The following BAIAP3 variants were observed in gnomAD, a reference collection of about 807,000 sequenced individuals.
BAIAP3 encodes BAI1 associated protein 3, also known as BAI1-associated protein 3.
In BAIAP3, 180 loss-of-function variants were observed where a neutral mutation model predicts 149.7. The ratio of observed to expected loss-of-function variants is 1.20; its 90% CI spans 1.07 to 1.36. The LOEUF (loss-of-function observed/expected upper bound fraction) is 1.36, where lower values mean the gene tolerates loss of function less well. BAIAP3 is among the 40% of genes most tolerant of loss of function. The pLI is 0.00. For missense variants in BAIAP3, 1,767 were observed against 1,563.4 expected (o/e 1.13, Z -2.20); for synonymous variants, 845 against 670.7 (o/e 1.26, Z -4.02).
In BAIAP3 at chr16:1,347,461, T is replaced by C. The variant is rs572578927; in HGVS notation, c.2824-84T>C. ...ACGGGCTGTGTCCTTGAGCATGAGGTGGCCCCACGGGCAGTCAGGTCTCCA... is the reference window on the plus strand; with the variant it reads ...ACGGGCTGTGTCCTTGAGCATGAGGCGGCCCCACGGGCAGTCAGGTCTCCA... On this transcript the variant is annotated intron_variant, in intron 29 of 33. Transcript: ENST00000426824. 32 of 1,582,774 alleles carry C rather than the reference T, an allele frequency of 2.0e-5. No homozygotes were observed. The South Asian group carries it at 3.5e-4, about 17-fold the overall frequency.
rs2034132692 is a variant in BAIAP3, at chr16:1,344,087, C to G, written c.1452C>G (p.Leu484=). The change falls in exon 16 of 34, where the codon CTC becomes CTG. Residue 484 remains leucine, a synonymous_variant. Transcript: ENST00000426824. ...TCGGGCTGCAGCTGCTGCGCCAGCT[C>G]CGAGACTACTTCCCTGCCACCAACA... The part of the protein sequence containing the change: ...SEFGLQLLRQ[L]RDYFPATNST... The G allele has an allele frequency of 1.9e-6, 3 of 1,612,106 alleles. No individual in the cohort carries two copies. The highest frequency in any genetic ancestry group is 1.3e-5 in the African/African-American group (1 of 74,926).
Position 1,342,894 on chromosome 16 carries a change from G to T in BAIAP3, c.1162-19G>T. Reference sequence around the variant, plus strand: ...GTGGGGCTGTCCCGCCTCCACCCACGACAGACCTCCTCCCCCAGCCCAACT... The same window carrying T: ...GTGGGGCTGTCCCGCCTCCACCCACTACAGACCTCCTCCCCCAGCCCAACT... On this transcript the variant is annotated intron_variant, in intron 13 of 33. Transcript: ENST00000426824. 1 of 1,612,160 alleles carries T rather than the reference G, an allele frequency of 6.2e-7. No homozygotes were observed. The highest frequency in any genetic ancestry group is 8.5e-7 in the Non-Finnish European group (1 of 1,179,920).
rs754738287 is a variant in BAIAP3, at chr16:1,346,465, T to C, written c.2517T>C (p.Tyr839=). Residue 839 remains tyrosine, a synonymous_variant, in exon 26 of 34, where the codon TAT becomes TAC. Transcript: ENST00000426824. ...AGATGGTGGGCGACATCCGCAAGTA[T>C]GTACAGCACATCAGTCTCTCGCCTG... is the stretch of plus-strand genomic sequence containing the variant. ...TSKMVGDIRK[Y]VQHISLSPDS... is the part of the protein sequence containing the mutation. 1.4e-5 allele frequency: 23 copies of C among 1,612,400 alleles called. No individual in the cohort carries two copies. The highest frequency in any genetic ancestry group is 1.2e-4 in the South Asian group (11 of 90,944).
intron 32 of BAIAP3, 32 bp downstream of exon 32, chr16:1,348,049 G>C (rs761513182): frequency 1.3e-5 from 21 of 1,575,758 alleles, no homozygotes; most frequent in Non-Finnish European, 1.7e-5. Context: ...CCCAGCCCCA[G>C]GCTCCAGGCT....
chr16:1,340,785 C>T (rs1323974977), intron 5 of BAIAP3, 137 bp from the exon 6 acceptor site: 2 of 924,604 alleles, frequency 2.2e-6, no homozygotes, highest in South Asian at 1.5e-5. Flanking sequence ...GCCGCTGCCT[C>T]CCAGGCTTCC....
At position 1,334,933 on chromosome 16, in the gene BAIAP3, A is replaced by G. The variant is rs527681680; in HGVS notation, c.-11+1184A>G. ...GCCCCAGGCACACACCCAGGGCACC[A>G]TCAGCTAACCCCCTGCCCCAAATGT... On this transcript the variant is annotated intron_variant, in intron 1 of 33. Transcript: ENST00000426824. Among the ~76,000 whole-genome samples, 9 of 152,294 alleles carry G rather than the reference A, an allele frequency of 5.9e-5. No individual in the cohort carries two copies. In the South Asian group the frequency reaches 1.4e-3, roughly 25 times the overall value.
chr16:1,344,837 G>A lies in BAIAP3; in HGVS notation c.1797G>A (p.Gln599=). Residue 599 remains glutamine, a synonymous_variant, in exon 20 of 34, where the codon CAG becomes CAA. Coordinates refer to ENST00000426824, the MANE Select transcript of BAIAP3 (RefSeq NM_001199097.2). ...ACGTCTTCACCCTGACCTTCCGGCA[G>A]CTGGAGCGTCTGGTGAGGAGGGTCC... ...NVDVFTLTFR[Q]LERLVAEEAW... is the part of the protein sequence containing the mutation. The A allele has an allele frequency of 6.2e-7, 1 of 1,613,828 alleles. No homozygotes were observed. Among genetic ancestry groups the A allele is most frequent in the Non-Finnish European group, 8.5e-7 (1 of 1,180,026 alleles).
chr16:1,338,008 C>T (rs2033586351), intron 1 of BAIAP3, among the ~76,000 whole-genome samples: 1 of 152,192 alleles, frequency 6.6e-6, no homozygotes, highest in Admixed American at 6.5e-5. Context: ...TGGGCATCCT[C>T]CACCCAGGAT....
Position 1,345,909 on chromosome 16 carries a change from G to T in BAIAP3, c.2208+19G>T. ...TGGCCAGGTGTGTGGGTGGGCCCTG[G>T]GGGTGAGGGGAACGGGTGGGAGAGG... is the stretch of plus-strand genomic sequence containing the variant. On this transcript the variant is annotated intron_variant, in intron 23 of 33. Coordinates refer to ENST00000426824, the MANE Select transcript of BAIAP3 (RefSeq NM_001199097.2). 2 of 1,579,512 alleles carry T rather than the reference G, an allele frequency of 1.3e-6. No individual in the cohort carries two copies. The highest frequency in any genetic ancestry group is 1.2e-5 in the South Asian group (1 of 86,786).
chr16:1,346,103 G>A, intron 24 of BAIAP3, 25 bp downstream of exon 24: 1 of 1,605,846 alleles, frequency 6.2e-7, no homozygotes, highest in Non-Finnish European at 8.5e-7. Context: ...GGGGAGGGGA[G>A]CCGGCAGGAG....
intron 15 of BAIAP3, 144 bp downstream of exon 15, chr16:1,343,657 G>T (rs1315558201): frequency 3.0e-6 from 4 of 1,329,872 alleles, no homozygotes; most frequent in African/African-American, 2.9e-5. Context: ...GTGGGCGAGA[G>T]CCAGCGCTCT....
rs748012535 is a variant in BAIAP3, at chr16:1,346,035, T to G, written c.2258T>G (p.Val753Gly). 27 of 1,611,514 alleles carry G rather than the reference T, an allele frequency of 1.7e-5. No homozygotes were observed. The highest frequency in any genetic ancestry group is 1.6e-4 in the Middle Eastern group (1 of 6,072). The part of the protein sequence containing the change: ...LFYTELLRKK[V>G]DTQPGAAGEA... ...TATACGGAGCTGCTTCGGAAGAAGG[T>G]GGACACTCAGCCAGGGGCGGCCGGT... Residue 753 changes from valine (V) to glycine (G), a missense_variant, in exon 24 of 34, where the codon GTG becomes GGG. Transcript: ENST00000426824.
intron 14 of BAIAP3, 142 bp downstream of exon 14, chr16:1,343,158 T>G: frequency 9.1e-7 from 1 of 1,101,668 alleles, no homozygotes; most frequent in Non-Finnish European, 1.3e-6. Flanking sequence ...GGGGCTGCGC[T>G]GATTGGGCGG....
rs765144427 is a variant in BAIAP3, at chr16:1,348,725, G to A, written c.*243G>A. ...ACTTGGCAGGACTTGGCCAGCAGCT[G>A]CCCAGGACACAGTGCAGGCCAGAGC... On this transcript the variant is annotated 3_prime_UTR_variant, in exon 34 of 34. Transcript: ENST00000426824. 5 of 583,952 alleles carry A rather than the reference G, an allele frequency of 8.6e-6. No homozygotes were observed. Among genetic ancestry groups the A allele is most frequent in the Non-Finnish European group, 1.5e-5 (5 of 326,818 alleles). The allele number at this position is 583,952 out of a possible 1,614,324, so 36.2% of individuals were successfully genotyped here.
Position 1,339,465 on chromosome 16 carries a change from G to A in BAIAP3, c.301-31G>A, listed in dbSNP as rs117780030. On this transcript the variant is annotated intron_variant, in intron 4 of 33. Transcript: ENST00000426824. ...GCTGAGGGCTGGGGGCCTGGGACGC[G>A]GCACTGTGGCCGCCCTTCCCCCACC... is the stretch of plus-strand genomic sequence containing the variant. 1.8e-4 allele frequency: 286 copies of A among 1,587,332 alleles called. 2 individuals are homozygous for A. The East Asian group carries it at 5.2e-3, about 29-fold the overall frequency.
intron 15 of BAIAP3, 122 bp downstream of exon 15, chr16:1,343,635 A>G: frequency 1.4e-6 from 2 of 1,421,808 alleles, no homozygotes; most frequent in Non-Finnish European, 1.9e-6. Flanking sequence ...ACAAATGGAC[A>G]AACTGTATGA....
chr16:1,341,710 G>C (rs779808933), intron 8 of BAIAP3, 112 bp from the exon 9 acceptor site: 1 of 1,287,170 alleles, frequency 7.8e-7, no homozygotes, highest in Non-Finnish European at 1.1e-6. Flanking sequence ...TGAACAGCCT[G>C]TCTGGAGAGC....
In BAIAP3 at chr16:1,342,248, G is replaced by A. The variant is rs763235929; in HGVS notation, c.922G>A (p.Asp308Asn). 32 of 1,612,452 alleles carry A rather than the reference G, an allele frequency of 2.0e-5. No homozygotes were observed. The highest frequency in any genetic ancestry group is 2.7e-5 in the African/African-American group (2 of 74,924). ...AGCAGGACCCACCGAGGACCACACC[G>A]ATGACTTCCTGGGGTGCCTCAACAT... ...GTAGPTEDHT[D>N]DFLGCLNIPV... is the part of the protein sequence containing the mutation. The change falls in exon 11 of 34, where the codon GAT (aspartate) becomes AAT (asparagine). Residue 308 changes from aspartate to asparagine, a missense_variant. Transcript: ENST00000426824.
Position 1,344,516 on chromosome 16 carries a change from C to T in BAIAP3, c.1650C>T (p.Pro550=). The change falls in exon 18 of 34, where the codon CCC becomes CCT. Residue 550 remains proline, a synonymous_variant. Transcript: ENST00000426824. ...ACAGGATCCTGAATGACAAGAGTCC[C>T]CGAGAGCAGGTGCAGTTGTGGGGGA... ...WYDRILNDKS[P]REQPGPQRLP... The T allele has an allele frequency of 6.2e-7, 1 of 1,613,046 alleles. No homozygotes were observed. Among genetic ancestry groups the T allele is most frequent in the African/African-American group, 1.3e-5 (1 of 75,042 alleles).
Sources: allele counts gnomAD v4.1 joint callset (sites outside exome capture counted in the v4.1 genomes callset), GRCh38; gene constraint gnomAD v4.1.1; transcripts MANE v1.5; gene names NCBI Gene and HGNC (gene_info 2026-07-23, HGNC 2026-07-21).